MUC20: variants seen among roughly 807,000 people sequenced by gnomAD.
MUC20 encodes the protein mucin-20.
Under a neutral mutation model 23.8 loss-of-function variants are expected in MUC20, and 14 were observed. That is an observed-to-expected ratio of 0.59 (90% CI 0.39 to 0.92). MUC20 has a LOEUF of 0.92. Among genes scored for constraint, MUC20 ranks in the 40% least tolerant of loss-of-function variants. MUC20 has a pLI of 0.00. For synonymous variants in MUC20, 166 were observed against 279.3 expected, an observed-to-expected ratio of 0.59 and a Z score of 4.04; for missense variants, 375 against 668.8, an observed-to-expected ratio of 0.56 and a Z score of 4.85.
chr3:195,721,585 G>A (rs1712106058), intron 1 of MUC20: 1 of 180,516 alleles, frequency 5.5e-6, no homozygotes, highest in Non-Finnish European at 1.1e-5. Flanking sequence ...CAAACTGCTT[G>A]GGAAGGGTGG....
intron 3 of MUC20, among the ~76,000 whole-genome samples, chr3:195,731,922 T>C (rs1379584499): frequency 6.6e-6 from 1 of 151,982 alleles, no homozygotes; most frequent in Non-Finnish European, 1.5e-5. Flanking sequence ...GCCCCCGGCA[T>C]GTGATAATCA....
chr3:195,728,572 T>C (rs1712986309), intron 2 of MUC20, among the ~76,000 whole-genome samples: 1 of 152,224 alleles, frequency 6.6e-6, no homozygotes, highest in African/African-American at 2.4e-5. Context: ...TCGGGTTTTA[T>C]ACTGAGACAT....
chr3:195,726,116 G>T lies in MUC20; in HGVS notation c.1513G>T (p.Ala505Ser). The T allele has an allele frequency of 6.3e-7, 1 of 1,586,996 alleles. No homozygotes were observed. The highest frequency in any genetic ancestry group is 1.1e-5 in the South Asian group (1 of 89,842). The change falls in exon 2 of 4, where the codon GCC (alanine) becomes TCC (serine). Residue 505 changes from alanine (A) to serine (S), a missense_variant. This residue lies in a region of MUC20 where 343 missense variants were observed against 340.2 expected (regional missense o/e 1.01). Coordinates refer to ENST00000447234, the MANE Select transcript of MUC20 (RefSeq NM_001282506.2). ...TVGTPLPTNS[A>S]TEREVTAPGA... is the part of the protein sequence containing the mutation. ...TGGGACCCCACTCCCCACTAACAGC[G>T]CCACAGAAAGAGAAGTGACAGCACC... is the stretch of plus-strand genomic sequence containing the variant.
intron 3 of MUC20, among the ~76,000 whole-genome samples, chr3:195,731,771 G>C (rs1452123211): frequency 1.3e-5 from 2 of 152,278 alleles, no homozygotes; most frequent in African/African-American, 4.8e-5. Flanking sequence ...CCACAGCCAG[G>C]TGCCAGGGGA....
rs1334531298 is a variant in MUC20 at position 195,726,195 on chromosome 3, A to G, written c.1592A>G (p.Glu531Gly). Reference protein sequence around the residue: ...ALVTVSRNPLEETSALSVETP... With the variant: ...ALVTVSRNPLGETSALSVETP... ...GTCACAGTTAGCAGGAATCCCCTTGAAGAAACCTCAGCCCTCTCTGTTGAG... is the reference window on the plus strand; with the variant it reads ...GTCACAGTTAGCAGGAATCCCCTTGGAGAAACCTCAGCCCTCTCTGTTGAG... Residue 531 changes from glutamate to glycine, a missense_variant, in exon 2 of 4, where the codon GAA (glutamate) becomes GGA (glycine). Physicochemically the swap from Glu to Gly is moderately conservative, Grantham distance 98. Coordinates refer to ENST00000447234, the MANE Select transcript of MUC20 (RefSeq NM_001282506.2). The G allele has an allele frequency of 6.2e-7, 1 of 1,610,318 alleles. No individual in the cohort carries two copies. Among genetic ancestry groups the G allele is most frequent in the Non-Finnish European group, 8.5e-7 (1 of 1,176,882 alleles).
intron 1 of MUC20, among the ~76,000 whole-genome samples, chr3:195,723,010 C>G (rs1428093686): frequency 3.1e-5 from 4 of 127,240 alleles, no homozygotes; most frequent in Non-Finnish European, 7.2e-5. Flanking sequence ...GAATATAAGC[C>G]CTTTCACCTT....
chr3:195,733,200 G>C lies in MUC20; in HGVS notation c.2112G>C (p.Leu704=). ...CGCCTCACTTCCAGGTCTCCTTACT[G>C]CGTGTCAGGAGAGGCTAACGGACAT... is the stretch of plus-strand genomic sequence containing the variant. ...AHAPHFQVSL[L]RVRRG The change falls in exon 4 of 4, where the codon CTG becomes CTC. Residue 704 remains leucine (L), a synonymous_variant. Coordinates refer to ENST00000447234, the MANE Select transcript of MUC20 (RefSeq NM_001282506.2). 6.3e-7 allele frequency: 1 copy of C among 1,594,146 alleles called. No homozygotes were observed. The highest frequency in any genetic ancestry group is 8.5e-7 in the Non-Finnish European group (1 of 1,171,298).
At chr3:195,726,826 G>A (rs1269163241) in intron 2 of MUC20, among the ~76,000 whole-genome samples, 3 of 152,246 alleles carry the variant, frequency 2.0e-5, no homozygotes, top group African/African-American at 7.2e-5. Context: ...GTAACAACCC[G>A]AGTGACCTTG....
intron 1 of MUC20, chr3:195,722,920 A>G (rs1712292332): frequency 1.4e-5 from 4 of 276,370 alleles, no homozygotes; most frequent in Non-Finnish European, 1.1e-5. Context: ...ACTCCTCACT[A>G]TAGTCAGATC....
intron 2 of MUC20, chr3:195,729,207 C>G (rs1304336287): frequency 1.1e-5 from 2 of 176,516 alleles, no homozygotes; most frequent in Non-Finnish European, 2.4e-5. Context: ...TGTGCCCCCA[C>G]CCAGTTCTCT....
chr3:195,723,492 G>C lies in MUC20; in HGVS notation c.77-1188G>C, dbSNP rs528772653. Among the ~76,000 whole-genome samples the C allele has an allele frequency of 3.8e-3, 445 of 115,968 alleles. 24 individuals are homozygous for C. The highest frequency in any genetic ancestry group is 0.016 in the African/African-American group (418 of 25,704). 76.1% of individuals were successfully genotyped at this position (115,968 alleles called of 152,430 possible). A position where few individuals can be genotyped will look rare whatever the true frequency, so the allele number is the denominator to read the frequency against. On this transcript the variant is annotated intron_variant, in intron 1 of 3. Coordinates refer to ENST00000447234, the MANE Select transcript of MUC20 (RefSeq NM_001282506.2). ...TTTCCTTCCAAGACTGGGATTACCA[G>C]ATAAAACACAGGGCATCCAGTTACA...
At chr3:195,728,576 G>A (rs1034409140) in intron 2 of MUC20, among the ~76,000 whole-genome samples, 14 of 152,264 alleles carry the variant, frequency 9.2e-5, no homozygotes, top group East Asian at 1.9e-4. Context: ...GTTTTATACT[G>A]AGACATTCAG....
chr3:195,721,638 T>C (rs6771032), intron 1 of MUC20: 6,810 of 151,376 alleles, frequency 0.045, no homozygotes, highest in East Asian at 0.38. Flanking sequence ...GAATGAACCC[T>C]GACCTGTCGC....
At chr3:195,731,074 G>A (rs1293872412) in intron 3 of MUC20, among the ~76,000 whole-genome samples, 14 of 152,250 alleles carry the variant, frequency 9.2e-5, no homozygotes, top group East Asian at 5.8e-4. Flanking sequence ...AGATGTAACC[G>A]TGAAAACAGG....
intron 1 of MUC20, chr3:195,722,355 T>G (rs1712217821): frequency 1.0e-6 from 1 of 984,764 alleles, no homozygotes; most frequent in African/African-American, 1.8e-5. Flanking sequence ...CACCGTGGCC[T>G]GGTCTGCGCT....
intron 3 of MUC20, chr3:195,730,000 G>C: frequency 2.0e-6 from 1 of 505,620 alleles, no homozygotes; most frequent in Non-Finnish European, 3.5e-6. Flanking sequence ...TTGGAAGCTT[G>C]GCCTTCTGGC....
At chr3:195,728,407 C>G (rs2148704018) in intron 2 of MUC20, among the ~76,000 whole-genome samples, 1 of 152,284 alleles carries the variant, frequency 6.6e-6, no homozygotes, top group East Asian at 1.9e-4. Context: ...AGGGAAGATA[C>G]TATGCCTGGA....
rs1472187025 is a variant in MUC20 at position 195,733,309 on chromosome 3, A to G, written c.*91A>G. On this transcript the variant is annotated 3_prime_UTR_variant, in exon 4 of 4. Coordinates refer to ENST00000447234, the MANE Select transcript of MUC20 (RefSeq NM_001282506.2). ...CCCACCGACAGACTGCAGCTGCGTT[A>G]CTGTGCTGAGAGGTACCCAGAAGGT... 3.9e-6 allele frequency: 6 copies of G among 1,545,968 alleles called. No homozygotes were observed. The highest frequency in any genetic ancestry group is 1.4e-5 in the African/African-American group (1 of 73,056).
In MUC20 at chr3:195,729,742, G is replaced by A. The variant is rs144512905; in HGVS notation, c.2061+3G>A. On this transcript the variant is annotated splice_donor_region_variant and intron_variant, in intron 3 of 3. Coordinates refer to ENST00000447234, the MANE Select transcript of MUC20 (RefSeq NM_001282506.2). ...TGGCAGAAAGGCTGATGCAGCAGGT[G>A]AGTGGGCACTTTCCGGGCCAGGGGA... is the stretch of plus-strand genomic sequence containing the variant. 1.2e-4 allele frequency: 193 copies of A among 1,591,718 alleles called. No homozygotes were observed. The African/African-American group carries it at 2.2e-3, about 18-fold the overall frequency.
Sources: allele counts gnomAD v4.1 joint callset (sites outside exome capture counted in the v4.1 genomes callset), GRCh38; gene constraint gnomAD v4.1.1; regional missense constraint gnomAD v4.1.1; transcripts MANE v1.5; gene names NCBI Gene and HGNC (gene_info 2026-07-23, HGNC 2026-07-21).